Variants in RGS6 observed in about 807,000 individuals in gnomAD.
RGS6 encodes regulator of G protein signaling 6.
A neutral mutation model predicts 78.5 loss-of-function variants in RGS6; 30 were observed. That is an observed-to-expected ratio of 0.38 (90% CI 0.29 to 0.52). The LOEUF is 0.52. RGS6 is among the 20% of genes least tolerant of loss of function. The pLI, the probability that RGS6 is intolerant of heterozygous loss-of-function variation, is 0.85. For missense variants in RGS6, 495 were observed against 609.7 expected (o/e 0.81, Z 1.98); for synonymous variants, 206 against 206.0 (o/e 1.00, Z 0.00).
At chr14:71,941,340 T>G (rs1030205158) in intron 1 of RGS6, among the ~76,000 whole-genome samples, 7 of 152,174 alleles carry the variant, frequency 4.6e-5, no homozygotes, top group Non-Finnish European at 1.0e-4. Context: ...TTAGCATTTT[T>G]GGGTCTAATC....
intron 12 of RGS6, among the ~76,000 whole-genome samples, chr14:72,480,789 C>G (rs1598147396): frequency 1.3e-5 from 2 of 152,166 alleles, no homozygotes; most frequent in Admixed American, 6.5e-5. Context: ...CCATCCTGAT[C>G]TGGCTTCCCT....
intron 3 of RGS6, among the ~76,000 whole-genome samples, chr14:72,377,920 G>T (rs1006561607): frequency 5.9e-5 from 9 of 152,300 alleles, no homozygotes; most frequent in East Asian, 1.9e-4. Flanking sequence ...TTGCAGTAAG[G>T]ATGCAGTGAG....
At chr14:72,427,655 G>A (rs566560593) in intron 3 of RGS6, among the ~76,000 whole-genome samples, 39 of 152,164 alleles carry the variant, frequency 2.6e-4, no homozygotes, top group African/African-American at 8.4e-4. Context: ...ACTCCTCCTC[G>A]TTCAGGGTAG....
the RGS6 span, among the ~76,000 whole-genome samples, chr14:71,890,359 A>AGAGAGG: frequency 6.3e-3 from 11 of 1,734 alleles, no homozygotes; most frequent in Non-Finnish European, 0.027. Flanking sequence ...TGCATAAGAC[A>AGAGAGG]GAGAGAGAGA....
the RGS6 span, among the ~76,000 whole-genome samples, chr14:71,905,092 T>A: frequency 6.6e-6 from 1 of 152,226 alleles, no homozygotes; most frequent in African/African-American, 2.4e-5. Flanking sequence ...TAGCACTAGA[T>A]CCTCATCTGG....
intron 2 of RGS6, among the ~76,000 whole-genome samples, chr14:72,165,327 A>T (rs2096910010): frequency 6.6e-6 from 1 of 152,200 alleles, no homozygotes; most frequent in South Asian, 2.1e-4. Context: ...TGGGGAACAG[A>T]ATCTGTCAAG....
At chr14:72,039,812 GA>G (rs2092191767) in intron 2 of RGS6, among the ~76,000 whole-genome samples, 2 of 21,482 alleles carry the variant, frequency 9.3e-5, no homozygotes, top group African/African-American at 1.8e-4. Flanking sequence ...GTGTTTCATT[GA>G]TTTTTTTTTT....
chr14:72,431,288 C>T (rs1011317269), intron 3 of RGS6, among the ~76,000 whole-genome samples: 2 of 152,172 alleles, frequency 1.3e-5, no homozygotes, highest in African/African-American at 2.4e-5. Flanking sequence ...CTTCAAGGCT[C>T]ATCCTATACT....
the RGS6 span, among the ~76,000 whole-genome samples, chr14:72,617,003 G>C: frequency 2.0e-5 from 3 of 152,134 alleles, no homozygotes; most frequent in African/African-American, 7.2e-5. Flanking sequence ...GGGGAACTCC[G>C]GGGCCATCCT....
the RGS6 span, among the ~76,000 whole-genome samples, chr14:71,886,134 T>G: frequency 6.6e-6 from 1 of 152,200 alleles, no homozygotes; most frequent in Non-Finnish European, 1.5e-5. Context: ...TTCTCAGAAC[T>G]TAAATTTTTG....
chr14:72,253,221 A>C (rs1190326754), intron 2 of RGS6, among the ~76,000 whole-genome samples: 1 of 152,252 alleles, frequency 6.6e-6, no homozygotes, highest in Non-Finnish European at 1.5e-5. Context: ...CTGCCATGAG[A>C]ATGGCATATT....
At chr14:72,086,077 G>A (rs762345685) in intron 2 of RGS6, among the ~76,000 whole-genome samples, 16 of 151,954 alleles carry the variant, frequency 1.1e-4, no homozygotes, top group Admixed American at 2.0e-4. Flanking sequence ...GAGATATGCT[G>A]AAGTCATTTA....
intron 2 of RGS6, among the ~76,000 whole-genome samples, chr14:72,348,256 A>G (rs540705811): frequency 1.4e-3 from 206 of 152,340 alleles, no homozygotes; most frequent in African/African-American, 4.8e-3. Flanking sequence ...CACTGGAGTC[A>G]GGTAGAGGTG....
chr14:72,155,092 G>GA lies in RGS6; in HGVS notation c.84+190223dup, dbSNP rs1433272907. 8.5e-5 allele frequency among the ~76,000 whole-genome samples: 13 copies of GA among 152,344 alleles called. No homozygotes were observed. The South Asian group carries it at 2.5e-3, about 29-fold the overall frequency. ...TTCTGGAAAGCCAGTAAATAAGGCA[G>GA]AAAAAATGTATCATTCCCTCCAGAG... On this transcript the variant is annotated intron_variant, in intron 2 of 17. Coordinates refer to ENST00000553525, the MANE Select transcript of RGS6 (RefSeq NM_001204424.2).
the RGS6 span, among the ~76,000 whole-genome samples, chr14:72,586,657 C>T: frequency 6.6e-6 from 1 of 152,154 alleles, no homozygotes; most frequent in African/African-American, 2.4e-5. Flanking sequence ...TCGTGCAGAG[C>T]TTACTCTCTC....
intron 3 of RGS6, among the ~76,000 whole-genome samples, chr14:72,434,740 C>A (rs2094821132): frequency 6.6e-6 from 1 of 152,200 alleles, no homozygotes; most frequent in South Asian, 2.1e-4. Flanking sequence ...AATAGTAAAA[C>A]CCTCCTGAAA....
chr14:72,057,166 T>C (rs572026460), intron 2 of RGS6, among the ~76,000 whole-genome samples: 4 of 152,024 alleles, frequency 2.6e-5, no homozygotes, highest in Admixed American at 1.3e-4. Flanking sequence ...ATACAAAAAT[T>C]AGCTGGGTGT....
intron 12 of RGS6, among the ~76,000 whole-genome samples, chr14:72,487,498 A>T (rs1001289630): frequency 6.6e-6 from 1 of 152,248 alleles, no homozygotes; most frequent in African/African-American, 2.4e-5. Flanking sequence ...ACCTTAAAAT[A>T]GAGAGATTAT....
chr14:72,192,278 T>C (rs1201194443), intron 2 of RGS6, among the ~76,000 whole-genome samples: 1 of 152,238 alleles, frequency 6.6e-6, no homozygotes, highest in Non-Finnish European at 1.5e-5. Context: ...CTTTCCTGTC[T>C]TCGGGCAAGT....
Sources: gnomAD v4.1 joint callset for allele counts (sites outside exome capture counted in the v4.1 genomes callset) on GRCh38, gnomAD v4.1.1 for gene constraint, MANE v1.5 for transcripts, NCBI Gene and HGNC (gene_info 2026-07-23, HGNC 2026-07-21) for gene names.